Variants in CNKSR3 observed in about 807,000 individuals in gnomAD.
CNKSR3 encodes the protein connector enhancer of kinase suppressor of ras 3.
Under a neutral mutation model 67.7 loss-of-function variants are expected in CNKSR3, and 36 were observed. The observed-to-expected ratio is 0.53, with a 90% CI of 0.41 to 0.70. CNKSR3 has a LOEUF of 0.70. CNKSR3 is among the 30% of genes least tolerant of loss of function. The pLI, the probability that CNKSR3 is intolerant of heterozygous loss-of-function variation, is 0.00. For missense variants in CNKSR3, 630 were observed against 695.2 expected (o/e 0.91, Z 1.05); for synonymous variants, 281 against 271.4 (o/e 1.04, Z -0.35).
chr6:154,388,224 G>A lies in CNKSR3; in HGVS notation c.*18130C>T, dbSNP rs1442627666. 2 of 152,136 alleles carry A rather than the reference G, an allele frequency of 1.3e-5. No individual in the cohort carries two copies. Among genetic ancestry groups the A allele is most frequent in the East Asian group, 3.8e-4 (2 of 5,196 alleles). 9.4% of individuals were successfully genotyped at this position (152,136 alleles called of 1,614,324 possible). A position where few individuals can be genotyped will look rare whatever the true frequency, so the allele number is the denominator to read the frequency against. ...TTTCACTCTTTGGTTCTATGAAGTTGACTATTTTAAATATCCCACATAAAT... is the reference window on the plus strand; with the variant it reads ...TTTCACTCTTTGGTTCTATGAAGTTAACTATTTTAAATATCCCACATAAAT... On this transcript the variant is annotated 3_prime_UTR_variant, in exon 13 of 13. Transcript: ENST00000607772.
Position 154,406,460 on chromosome 6 carries a change from T to C in CNKSR3, c.1562A>G (p.Glu521Gly). Reference sequence around the variant, plus strand: ...GCCAGATTTCTTTTTGGTCCCTTCCTCCTGGAATGGAATCGTGGCGCTGCT... The same window carrying C: ...GCCAGATTTCTTTTTGGTCCCTTCCCCCTGGAATGGAATCGTGGCGCTGCT... Reference protein sequence around the residue: ...LHSSATIPFQEEGTKKKSGSS... With the variant: ...LHSSATIPFQGEGTKKKSGSS... Residue 521 changes from glutamate (E) to glycine (G), a missense_variant, in exon 13 of 13, where the codon GAG becomes GGG. Glu to Gly is a moderately conservative substitution (Grantham distance 98). Around this residue, in one of 3 missense-constraint regions of CNKSR3, gnomAD observed 308 missense variants for 299.6 expected, o/e 1.03. Transcript: ENST00000607772. 1 of 1,614,170 alleles carries C rather than the reference T, an allele frequency of 6.2e-7. No individual in the cohort carries two copies. The highest frequency in any genetic ancestry group is 8.5e-7 in the Non-Finnish European group (1 of 1,180,030).
At chr6:154,508,698 G>T (rs532189797) in intron 1 of CNKSR3, among the ~76,000 whole-genome samples, 2 of 152,338 alleles carry the variant, frequency 1.3e-5, no homozygotes, top group African/African-American at 4.8e-5. Context: ...CACCAAGGCA[G>T]AAACATGTGT....
At chr6:154,505,153 T>A (rs576560755) in intron 1 of CNKSR3, among the ~76,000 whole-genome samples, 1 of 151,570 alleles carries the variant, frequency 6.6e-6, no homozygotes, top group African/African-American at 2.4e-5. Context: ...TGCCTCTGTC[T>A]GGACGGTGGC....
chr6:154,489,992 C>T (rs999042037), intron 1 of CNKSR3, among the ~76,000 whole-genome samples: 6 of 152,166 alleles, frequency 3.9e-5, no homozygotes, highest in Admixed American at 2.0e-4. Flanking sequence ...CCCAGTCTCC[C>T]TCCTCTCCAT....
rs35873703 is a variant in CNKSR3 at position 154,415,228 on chromosome 6, A to ATTTTTTTTTTTTTTTTTTTTTTTTTTT, written c.946-806_946-805insAAAAAAAAAAAAAAAAAAAAAAAAAAA. Among the ~76,000 whole-genome samples the ATTTTTTTTTTTTTTTTTTTTTTTTTTT allele has an allele frequency of 1.6e-3, 191 of 118,082 alleles. 13 individuals are homozygous for ATTTTTTTTTTTTTTTTTTTTTTTTTTT. The highest frequency in any genetic ancestry group is 2.7e-3 in the Non-Finnish European group (159 of 59,376). 77.5% of individuals were successfully genotyped at this position (118,082 alleles called of 152,430 possible). On this transcript the variant is annotated intron_variant, in intron 9 of 12. Transcript: ENST00000607772. ...TCCTGGCTAGACTTACTAGCTGCCC[A>ATTTTTTTTTTTTTTTTTTTTTTTTTTT]TTTTTTTTTTTTTTTTTTTTAAGAT...
chr6:154,420,796 G>A lies in CNKSR3; in HGVS notation c.945+1710C>T, dbSNP rs557937873. Among the ~76,000 whole-genome samples the A allele has an allele frequency of 2.6e-5, 4 of 151,448 alleles. No homozygotes were observed. In the South Asian group the frequency reaches 8.3e-4, roughly 32 times the overall value. ...TGTTCTTGCCACAAATAAATGATAAGTATGTGAGGTAATAAACGTATTAAT... is the reference window on the plus strand; with the variant it reads ...TGTTCTTGCCACAAATAAATGATAAATATGTGAGGTAATAAACGTATTAAT... On this transcript the variant is annotated intron_variant, in intron 9 of 12. Transcript: ENST00000607772.
intron 2 of CNKSR3, among the ~76,000 whole-genome samples, chr6:154,449,167 T>C (rs1323671795): frequency 6.6e-6 from 1 of 152,218 alleles, no homozygotes; most frequent in East Asian, 1.9e-4. Flanking sequence ...CAAAATGTAA[T>C]GAAGGCCACA....
intron 10 of CNKSR3, 75 bp from the exon 11 acceptor site, chr6:154,411,217 T>TA (rs1358411512): frequency 2.2e-5 from 22 of 989,798 alleles, no homozygotes; most frequent in Middle Eastern, 2.5e-4. Context: ...GCAGTGCTGC[T>TA]ACCTCCAGCA....
chr6:154,409,717 G>A (rs980193056), intron 12 of CNKSR3, among the ~76,000 whole-genome samples: 2 of 152,102 alleles, frequency 1.3e-5, no homozygotes, highest in Non-Finnish European at 2.9e-5. Context: ...GAAAAAGATT[G>A]TTTAATGAAT....
At chr6:154,472,306 A>G (rs1211055820) in intron 1 of CNKSR3, among the ~76,000 whole-genome samples, 1 of 152,242 alleles carries the variant, frequency 6.6e-6, no homozygotes, top group Non-Finnish European at 1.5e-5. Context: ...CCAGATTTTA[A>G]GAATAATTAT....
intron 1 of CNKSR3, among the ~76,000 whole-genome samples, chr6:154,466,287 A>G (rs1008164069): frequency 6.6e-6 from 1 of 152,218 alleles, no homozygotes; most frequent in Admixed American, 6.5e-5. Flanking sequence ...GGGCTCCAGA[A>G]ACAAAATACC....
chr6:154,412,213 T>C (rs1784925656), intron 10 of CNKSR3, among the ~76,000 whole-genome samples: 1 of 152,120 alleles, frequency 6.6e-6, no homozygotes, highest in South Asian at 2.1e-4. Context: ...CACAAATATA[T>C]CTCCTTCCAT....
rs1396748648 is a variant in CNKSR3, at chr6:154,450,239, T to C, written c.72A>G (p.Gln24=). The C allele has an allele frequency of 1.9e-6, 3 of 1,614,108 alleles. No homozygotes were observed. Among genetic ancestry groups the C allele is most frequent in the Middle Eastern group, 1.6e-4 (1 of 6,062 alleles). Reference sequence around the variant, plus strand: ...CTCGTTCAAACTTGTGGACATATTGTTGCAGGCAGTCATCCAACCCTGCCA... The same window carrying C: ...CTCGTTCAAACTTGTGGACATATTGCTGCAGGCAGTCATCCAACCCTGCCA... ...DWTRGLDDCL[Q]QYVHKFEREK... is the part of the protein sequence containing the mutation. The change falls in exon 2 of 13, where the codon CAA becomes CAG. Residue 24 remains glutamine, a synonymous_variant. Transcript: ENST00000607772.
At chr6:154,498,196 A>G (rs936520101) in intron 1 of CNKSR3, among the ~76,000 whole-genome samples, 1 of 152,224 alleles carries the variant, frequency 6.6e-6, no homozygotes, top group African/African-American at 2.4e-5. Flanking sequence ...CAAATTATAC[A>G]TTAAAAAAGT....
chr6:154,436,015 T>C (rs1785464901), intron 4 of CNKSR3, among the ~76,000 whole-genome samples: 1 of 152,192 alleles, frequency 6.6e-6, no homozygotes, highest in Non-Finnish European at 1.5e-5. Flanking sequence ...TTTGGTGTGA[T>C]GGCACGCGTC....
Sources: gnomAD v4.1 joint callset for allele counts (sites outside exome capture counted in the v4.1 genomes callset) on GRCh38, gnomAD v4.1.1 for gene constraint, gnomAD v4.1.1 regional missense constraint, MANE v1.5 for transcripts, NCBI Gene and HGNC (gene_info 2026-07-23, HGNC 2026-07-21) for gene names.